TEX101: variants seen among roughly 807,000 people sequenced by gnomAD.
TEX101 encodes the protein testis-expressed protein 101.
TEX101 carries 10 observed loss-of-function variants against 18.1 expected under a neutral mutation model. That is an observed-to-expected ratio of 0.55 (90% CI 0.34 to 0.94). TEX101 has a LOEUF of 0.94. Ranked by LOEUF, TEX101 falls within the 40% of genes least tolerant of loss-of-function variation. TEX101 has a pLI of 0.02. For synonymous variants in TEX101, 94 were observed against 114.8 expected, an observed-to-expected ratio of 0.82 and a Z score of 1.16; for missense variants, 259 against 298.9, an observed-to-expected ratio of 0.87 and a Z score of 0.98.
At chr19:43,416,307 G>A (rs928550078) in intron 3 of TEX101, 65 bp downstream of exon 3, 2 of 1,585,540 alleles carry the variant, frequency 1.3e-6, no homozygotes, top group African/African-American at 2.7e-5. Context: ...GCCAATGCTT[G>A]TTCCCTTCGT....
At chr19:43,409,637 A>AAAT (rs1466410823) in intron 3 of TEX101, among the ~76,000 whole-genome samples, 2 of 152,054 alleles carry the variant, frequency 1.3e-5, no homozygotes, top group East Asian at 1.9e-4. Context: ...GAAAGAAAGA[A>AAAT]AATAGAATTC....
chr19:43,403,622 T>G (rs544572120), intron 2 of TEX101, among the ~76,000 whole-genome samples: 87 of 152,012 alleles, frequency 5.7e-4, no homozygotes, highest in African/African-American at 2.1e-3. Flanking sequence ...TATTAGCCTT[T>G]AACCCTAATT....
upstream of TEX101, among the ~76,000 whole-genome samples, chr19:43,400,794 G>A (rs1970311790): frequency 6.6e-6 from 1 of 152,086 alleles, no homozygotes; most frequent in African/African-American, 2.4e-5. Context: ...AAACTATTAA[G>A]CAAAAGGCTT....
chr19:43,394,653 G>A, the TEX101 span, among the ~76,000 whole-genome samples: 3 of 152,054 alleles, frequency 2.0e-5, no homozygotes, highest in African/African-American at 7.2e-5. Context: ...TGTATTTTTA[G>A]TAGAGACGGG....
chr19:43,407,638 GGT>G (rs1398572208), intron 3 of TEX101, among the ~76,000 whole-genome samples: 1 of 152,216 alleles, frequency 6.6e-6, no homozygotes, highest in Non-Finnish European at 1.5e-5. Flanking sequence ...TCAGACGTTT[GGT>G]GCCTGTGCTT....
At chr19:43,416,979 G>A (rs1970486249) in intron 4 of TEX101, among the ~76,000 whole-genome samples, 1 of 146,420 alleles carries the variant, frequency 6.8e-6, no homozygotes, top group South Asian at 2.1e-4. Flanking sequence ...GTTGCAGTGA[G>A]CCAATATCAC....
At chr19:43,405,753 C>T (rs969265856) in intron 2 of TEX101, among the ~76,000 whole-genome samples, 4 of 149,890 alleles carry the variant, frequency 2.7e-5, no homozygotes, top group Non-Finnish European at 4.4e-5. Flanking sequence ...GGTGAAACCC[C>T]GTCTCTAGAA....
At position 43,418,222 on chromosome 19, in the gene TEX101, G is replaced by C; in HGVS notation, c.575G>C (p.Arg192Thr). The C allele has an allele frequency of 1.2e-6, 2 of 1,614,194 alleles. No homozygotes were observed. The highest frequency in any genetic ancestry group is 1.7e-6 in the Non-Finnish European group (2 of 1,180,018). ...GGCTGTACAGCCATGATTGGCTGCAGGCTGATGTCTGGAATCTTAGCAGTA... is the reference window on the plus strand; with the variant it reads ...GGCTGTACAGCCATGATTGGCTGCACGCTGATGTCTGGAATCTTAGCAGTA... ...VKGCTAMIGC[R>T]LMSGILAVGP... The change falls in exon 6 of 6, where the codon AGG becomes ACG. Residue 192 changes from arginine to threonine, a missense_variant. Coordinates refer to ENST00000598265, the MANE Select transcript of TEX101 (RefSeq NM_001130011.3).
intron 3 of TEX101, among the ~76,000 whole-genome samples, chr19:43,406,863 T>TAA (rs1970368591): frequency 6.6e-6 from 1 of 152,082 alleles, no homozygotes; most frequent in Non-Finnish European, 1.5e-5. Context: ...GTCACAGGGA[T>TAA]AACTGATTTG....
Position 43,416,504 on chromosome 19 carries a change from T to C in TEX101, c.340T>C (p.Cys114Arg). 1 of 1,614,164 alleles carries C rather than the reference T, an allele frequency of 6.2e-7. No individual in the cohort carries two copies. The highest frequency in any genetic ancestry group is 8.5e-7 in the Non-Finnish European group (1 of 1,180,018). The change falls in exon 4 of 6, where the codon TGT (cysteine) becomes CGT (arginine). Residue 114 changes from cysteine (C) to arginine (R), a missense_variant. Cys to Arg is a radical substitution (Grantham distance 180, BLOSUM62 -3). Coordinates refer to ENST00000598265, the MANE Select transcript of TEX101 (RefSeq NM_001130011.3). ...SYSNYCEDSF[C>R]NDKDSLSQFW... ...CAGTAACTACTGTGAGGATTCCTTC[T>C]GTAATGACAAAGACAGCCTGTCTCA...
chr19:43,413,210 A>G (rs766113018), upstream of TEX101, among the ~76,000 whole-genome samples: 85 of 152,314 alleles, frequency 5.6e-4, no homozygotes, highest in African/African-American at 8.2e-4. Context: ...GTAAGCCTTT[A>G]AAAAGGCCAA....
chr19:43,390,460 CTTTTTTTT>C, the TEX101 span, among the ~76,000 whole-genome samples: 1 of 49,856 alleles, frequency 2.0e-5, no homozygotes, highest in African/African-American at 8.3e-5. Context: ...CTTTTTTTTT[CTTTTTTTT>C]TTTTTTTTTT....
upstream of TEX101, among the ~76,000 whole-genome samples, chr19:43,413,627 C>T (rs1335530444): frequency 6.6e-6 from 1 of 152,104 alleles, no homozygotes; most frequent in African/African-American, 2.4e-5. Context: ...TTGTCTGCAG[C>T]TCATCCTGCT....
In TEX101 at chr19:43,416,195, G is replaced by A; in HGVS notation, c.161G>A (p.Cys54Tyr). ...TGGACCACAGAGGAAGTGGAGACTTGTGACAAAGGGGCACTTTGCCAGGAA... is the reference window on the plus strand; with the variant it reads ...TGGACCACAGAGGAAGTGGAGACTTATGACAAAGGGGCACTTTGCCAGGAA... ...FNWTTEEVET[C>Y]DKGALCQETI... The change falls in exon 3 of 6, where the codon TGT becomes TAT. Residue 54 changes from cysteine to tyrosine, a missense_variant. Transcript: ENST00000598265. The A allele has an allele frequency of 6.2e-7, 1 of 1,612,316 alleles. No individual in the cohort carries two copies. The highest frequency in any genetic ancestry group is 1.3e-5 in the African/African-American group (1 of 74,894).
the TEX101 span, among the ~76,000 whole-genome samples, chr19:43,391,359 C>T: frequency 3.3e-5 from 5 of 150,936 alleles, no homozygotes; most frequent in East Asian, 7.8e-4. Context: ...AAATGCTACA[C>T]AAGCGTTCCA....
In TEX101 at chr19:43,416,589, G is replaced by T. The variant is rs781157059; in HGVS notation, c.391+34G>T. On this transcript the variant is annotated intron_variant, in intron 4 of 5. Coordinates refer to ENST00000598265, the MANE Select transcript of TEX101 (RefSeq NM_001130011.3). ...GAAGTGGGGGAGATAGGTACTAAGAGAAACTCCATAAAGAGCTTGTGTATG... is the reference window on the plus strand; with the variant it reads ...GAAGTGGGGGAGATAGGTACTAAGATAAACTCCATAAAGAGCTTGTGTATG... 3 of 1,593,446 alleles carry T rather than the reference G, an allele frequency of 1.9e-6. No homozygotes were observed. The African/African-American group carries it at 4.0e-5, about 21-fold the overall frequency.
chr19:43,413,920 A>G (rs1599902297), upstream of TEX101, among the ~76,000 whole-genome samples: 1 of 151,786 alleles, frequency 6.6e-6, no homozygotes, highest in South Asian at 2.1e-4. Flanking sequence ...ACGTCACTGC[A>G]CTCCAGCCTG....
At chr19:43,392,413 A>G in the TEX101 span, among the ~76,000 whole-genome samples, 1 of 152,138 alleles carries the variant, frequency 6.6e-6, no homozygotes, top group Non-Finnish European at 1.5e-5. Context: ...GCCTAGGACT[A>G]AAAATTAAGG....
chr19:43,408,580 C>T (rs1392696409), intron 3 of TEX101, among the ~76,000 whole-genome samples: 3 of 152,156 alleles, frequency 2.0e-5, no homozygotes, highest in African/African-American at 7.2e-5. Flanking sequence ...CCACACCACC[C>T]TCTAGAACCA....
Sources: allele counts gnomAD v4.1 joint callset (sites outside exome capture counted in the v4.1 genomes callset), GRCh38; gene constraint gnomAD v4.1.1; transcripts MANE v1.5; gene names NCBI Gene and HGNC (gene_info 2026-07-23, HGNC 2026-07-21).